LPL: variants seen among roughly 807,000 people sequenced by gnomAD.
LPL encodes the protein phospholipase A1.
In LPL, 43 loss-of-function variants were observed where a neutral mutation model predicts 52.2. The ratio of observed to expected loss-of-function variants is 0.82; its 90% CI spans 0.64 to 1.06. The LOEUF is 1.06. LPL is among the 50% of genes least tolerant of loss of function. The pLI is 0.00. For synonymous variants in LPL, 244 were observed against 215.6 expected (o/e 1.13, Z -1.15); for missense variants, 639 against 585.3 (o/e 1.09, Z -0.95).
At position 19,966,817 on chromosome 8, in the gene LPL, G is replaced by A. The variant is rs907093863; in HGVS notation, c.*1507G>A. 1 of 152,224 alleles carries A rather than the reference G, an allele frequency of 6.6e-6. No individual in the cohort carries two copies. The highest frequency in any genetic ancestry group is 2.4e-5 in the African/African-American group (1 of 41,436). The allele number at this position is 152,224 out of a possible 1,614,324, so 9.4% of individuals were successfully genotyped here. A position where few individuals can be genotyped will look rare whatever the true frequency, so the allele number is the denominator to read the frequency against. ...GTTGTGATTAACATCATCAGGCTTG[G>A]AATGAATTCTCTCTAAAAATAAAAT... is the stretch of plus-strand genomic sequence containing the variant. On this transcript the variant is annotated 3_prime_UTR_variant, in exon 10 of 10. Transcript: ENST00000650287.
At position 19,948,339 on chromosome 8, in the gene LPL, C is replaced by T. The variant is rs372267210; in HGVS notation, c.248C>T (p.Thr83Met). ...ACCTTCATGGTGATCCATGGCTGGA[C>T]GGTAAGGGAGGCTCTTTGGGGAAGA... ...SKTFMVIHGW[T>M]VTGMYESWVP... The change falls in exon 2 of 10, where the codon ACG (threonine) becomes ATG (methionine). Residue 83 changes from threonine (T) to methionine (M), a missense_variant and splice_region_variant. Coordinates refer to ENST00000650287, the MANE Select transcript of LPL (RefSeq NM_000237.3). The T allele has an allele frequency of 2.5e-5, 40 of 1,613,640 alleles. No individual in the cohort carries two copies. The highest frequency in any genetic ancestry group is 4.4e-5 in the South Asian group (4 of 91,062).
intron 1 of LPL, among the ~76,000 whole-genome samples, chr8:19,946,032 T>C (rs940808975): frequency 1.8e-4 from 28 of 152,196 alleles, no homozygotes; most frequent in Admixed American, 1.6e-3. Context: ...AGATTAAAAG[T>C]ATTCAATACT....
At chr8:19,942,386 G>C (rs999508964) in intron 1 of LPL, among the ~76,000 whole-genome samples, 1 of 152,182 alleles carries the variant, frequency 6.6e-6, no homozygotes, top group Non-Finnish European at 1.5e-5. Flanking sequence ...CAAAGTGTAA[G>C]GAAAGTATTC....
chr8:19,965,324 T>C lies in LPL; in HGVS notation c.*14T>C, dbSNP rs1220216812. On this transcript the variant is annotated 3_prime_UTR_variant, in exon 10 of 10. Transcript: ENST00000650287. ...CTTTTTCTCAGAAACTGGGCGAATCTACAGAACAAAGAACGGCATGTGAAT... is the reference window on the plus strand; with the variant it reads ...CTTTTTCTCAGAAACTGGGCGAATCCACAGAACAAAGAACGGCATGTGAAT... 1.3e-6 allele frequency: 1 copy of C among 780,648 alleles called. No individual in the cohort carries two copies. The allele number at this position is 780,648 out of a possible 1,614,324, so 48.4% of individuals were successfully genotyped here. A position where few individuals can be genotyped will look rare whatever the true frequency, so the allele number is the denominator to read the frequency against.
At chr8:19,965,098 C>CG (rs2070074025) in intron 9 of LPL, among the ~76,000 whole-genome samples, 2 of 150,994 alleles carry the variant, frequency 1.3e-5, no homozygotes, top group African/African-American at 5.0e-5. Flanking sequence ...CTTATTGGGA[C>CG]GGGGCTAAAT....
intron 6 of LPL, 32 bp from the exon 7 acceptor site, chr8:19,959,228 T>C: frequency 6.2e-7 from 1 of 1,613,946 alleles, no homozygotes; most frequent in East Asian, 2.2e-5. Flanking sequence ...TCATAAAGAT[T>C]GATCAACATG....
rs2070097265 is a variant in LPL, at chr8:19,967,186, A to T, written c.*1876A>T. The T allele has an allele frequency of 6.5e-6, 1 of 152,812 alleles. No individual in the cohort carries two copies. Among genetic ancestry groups the T allele is most frequent in the African/African-American group, 2.4e-5 (1 of 41,580 alleles). 9.5% of individuals were successfully genotyped at this position (152,812 alleles called of 1,614,324 possible). On this transcript the variant is annotated 3_prime_UTR_variant, in exon 10 of 10. Transcript: ENST00000650287. ...TTATGAAATGGGCTTTAACAAAACA[A>T]GAAAGAAACGTACTTAACTGTGTGA...
chr8:19,945,409 CAT>C (rs2069874552), intron 1 of LPL, among the ~76,000 whole-genome samples: 1 of 152,178 alleles, frequency 6.6e-6, no homozygotes, highest in Non-Finnish European at 1.5e-5. Context: ...TCATGTCTGA[CAT>C]AGAATTGAAA....
At chr8:19,945,879 T>C (rs187719774) in intron 1 of LPL, among the ~76,000 whole-genome samples, 261 of 152,300 alleles carry the variant, frequency 1.7e-3, no homozygotes, top group African/African-American at 6.0e-3. Flanking sequence ...AGATTGATCA[T>C]AGAATATGTT....
intron 1 of LPL, among the ~76,000 whole-genome samples, chr8:19,945,594 C>T (rs966375307): frequency 5.8e-4 from 89 of 152,318 alleles, no homozygotes; most frequent in African/African-American, 2.1e-3. Context: ...GTGAGCCATA[C>T]ATGCAATCTG....
intron 7 of LPL, 61 bp from the exon 8 acceptor site, chr8:19,960,840 A>T: frequency 8.0e-7 from 1 of 1,255,646 alleles, no homozygotes; most frequent in Non-Finnish European, 1.2e-6. Context: ...GGAGAAAAAA[A>T]AGTGGGGGGC....
intron 2 of LPL, among the ~76,000 whole-genome samples, chr8:19,951,353 T>C (rs2069932777): frequency 6.6e-6 from 1 of 152,086 alleles, no homozygotes; most frequent in Non-Finnish European, 1.5e-5. Flanking sequence ...ACCCCAACCT[T>C]GAAGGGAGGC....
Position 19,965,300 on chromosome 8 carries a change from T to G in LPL, c.*-10T>G. On this transcript the variant is annotated splice_polypyrimidine_tract_variant and intron_variant, in intron 9 of 9. Transcript: ENST00000650287. The stretch of plus-strand genomic sequence containing the variant: ...TAATAAATTGCCCTTTTTCCTGTGC[T>G]TTTTCTCAGAAACTGGGCGAATCTA... The G allele has an allele frequency of 1.3e-6, 1 of 780,448 alleles. No individual in the cohort carries two copies. Among genetic ancestry groups the G allele is most frequent in the Non-Finnish European group, 2.4e-6 (1 of 417,714 alleles). 48.3% of individuals were successfully genotyped at this position (780,448 alleles called of 1,614,324 possible).
Position 19,944,623 on chromosome 8 carries a change from C to T in LPL, c.89-3557C>T, listed in dbSNP as rs59254395. 0.064 allele frequency among the ~76,000 whole-genome samples: 9,746 copies of T among 152,176 alleles called. 727 individuals are homozygous for T. Among genetic ancestry groups the T allele is most frequent in the African/African-American group, 0.19 (7,853 of 41,462 alleles). On this transcript the variant is annotated intron_variant, in intron 1 of 9. Transcript: ENST00000650287. This position sits in a 1 kb window ranked among gnomAD's most constrained non-coding sequence, Gnocchi z 4.2. ...TCTGCTGCTTTCCTGGGATGCTCAA[C>T]ACTTCCCTCTTTCTAGCAACAAGAA...
chr8:19,951,010 A>G (rs1278674983), intron 2 of LPL, among the ~76,000 whole-genome samples: 1 of 152,198 alleles, frequency 6.6e-6, no homozygotes, highest in African/African-American at 2.4e-5. Context: ...ATAGAGGCCT[A>G]GAGTAAACCC....
At chr8:19,948,857 G>A (rs941889563) in intron 2 of LPL, among the ~76,000 whole-genome samples, 1 of 151,890 alleles carries the variant, frequency 6.6e-6, no homozygotes, top group Non-Finnish European at 1.5e-5. Context: ...GTAAAGCAGA[G>A]GTTGCACTAG....
chr8:19,965,444 C>T lies in LPL; in HGVS notation c.*134C>T, dbSNP rs2070077410. 5 of 695,596 alleles carry T rather than the reference C, an allele frequency of 7.2e-6. 1 individual carries two copies. In the South Asian group the frequency reaches 8.0e-5, roughly 11 times the overall value. 43.1% of individuals were successfully genotyped at this position (695,596 alleles called of 1,614,324 possible). ...GGATTTTCCTGAATATTAATCCCAG[C>T]CCTACCCTTGTTAGTTATTTTAGGA... On this transcript the variant is annotated 3_prime_UTR_variant, in exon 10 of 10. Coordinates refer to ENST00000650287, the MANE Select transcript of LPL (RefSeq NM_000237.3).
At chr8:19,960,088 C>G (rs2070024397) in intron 7 of LPL, among the ~76,000 whole-genome samples, 1 of 151,800 alleles carries the variant, frequency 6.6e-6, no homozygotes, top group Non-Finnish European at 1.5e-5. Context: ...CATGCCCAGC[C>G]TACCCTTTAC....
In LPL at chr8:19,939,407, G is replaced by C. The variant is rs758350420; in HGVS notation, c.-34G>C. Reference sequence around the variant, plus strand: ...TCAGCCGGCTCATCAGTCGGTCCGCGCCTTGCAGCTCCTCCAGAGGGACGC... The same window carrying C: ...TCAGCCGGCTCATCAGTCGGTCCGCCCCTTGCAGCTCCTCCAGAGGGACGC... On this transcript the variant is annotated 5_prime_UTR_variant, in exon 1 of 10. Coordinates refer to ENST00000650287, the MANE Select transcript of LPL (RefSeq NM_000237.3). The surrounding 1 kb of genome is among the most constrained non-coding windows in gnomAD (Gnocchi z 4.0). The C allele has an allele frequency of 8.2e-6, 13 of 1,579,056 alleles. No homozygotes were observed. In the South Asian group the frequency reaches 1.3e-4, roughly 15 times the overall value.
Sources: gnomAD v4.1 joint callset for allele counts (sites outside exome capture counted in the v4.1 genomes callset) on GRCh38, gnomAD v4.1.1 for gene constraint, Gnocchi (gnomAD v3.1) non-coding constraint, MANE v1.5 for transcripts, NCBI Gene and HGNC (gene_info 2026-07-23, HGNC 2026-07-21) for gene names.